TLL2: variants seen among roughly 807,000 people sequenced by gnomAD.
TLL2 encodes tolloid-like protein 2.
Under a neutral mutation model 123.0 loss-of-function variants are expected in TLL2, and 106 were observed. The observed-to-expected ratio is 0.86, with a 90% CI of 0.74 to 1.01. The LOEUF (loss-of-function observed/expected upper bound fraction) is 1.01. Ranked by LOEUF, TLL2 falls within the 50% of genes least tolerant of loss-of-function variation. The pLI is 0.00. For synonymous variants in TLL2, 494 were observed against 516.8 expected (o/e 0.96, Z 0.60); for missense variants, 1,332 against 1,336.7 (o/e 1.00, Z 0.06).
At chr10:96,470,979 G>A (rs1847175707) in intron 2 of TLL2, among the ~76,000 whole-genome samples, 1 of 152,134 alleles carries the variant, frequency 6.6e-6, no homozygotes, top group African/African-American at 2.4e-5. Flanking sequence ...CCCAGAGTGT[G>A]GCTCAGGACA....
chr10:96,394,583 G>A (rs980836487), intron 13 of TLL2, among the ~76,000 whole-genome samples: 4 of 152,210 alleles, frequency 2.6e-5, no homozygotes, highest in African/African-American at 9.7e-5. Context: ...CCGATCATGT[G>A]GGGGTAAGCA....
chr10:96,509,194 C>T (rs1206125597), intron 1 of TLL2, among the ~76,000 whole-genome samples: 1 of 152,170 alleles, frequency 6.6e-6, no homozygotes, highest in African/African-American at 2.4e-5. Context: ...GTTGAGTCAC[C>T]CCAGCCTGTA....
intron 3 of TLL2, among the ~76,000 whole-genome samples, chr10:96,444,470 A>T (rs1018500544): frequency 1.3e-5 from 2 of 152,392 alleles, no homozygotes; most frequent in South Asian, 4.1e-4. Context: ...AGCATGATGC[A>T]GAAAAAATGT....
chr10:96,480,197 T>C lies in TLL2; in HGVS notation c.286+152A>G. 1.1e-5 allele frequency: 7 copies of C among 647,456 alleles called. 1 individual carries two copies. In the South Asian group the frequency reaches 1.4e-4, roughly 13 times the overall value. 40.1% of individuals were successfully genotyped at this position (647,456 alleles called of 1,614,324 possible). On this transcript the variant is annotated intron_variant, in intron 2 of 20. Transcript: ENST00000357947. ...GAAGCCCCAGCTCCACTGGCTCCAG[T>C]GGAGAAGGAGAAGTGACCCCTCTGA...
chr10:96,401,411 C>T lies in TLL2; in HGVS notation c.1267+3821G>A, dbSNP rs542918358. Reference sequence around the variant, plus strand: ...CACTTGTTCCAAACACAAAAGTTCACTAACAACTGCATTTGGAAACATCAG... The same window carrying T: ...CACTTGTTCCAAACACAAAAGTTCATTAACAACTGCATTTGGAAACATCAG... On this transcript the variant is annotated intron_variant, in intron 10 of 20. Coordinates refer to ENST00000357947, the MANE Select transcript of TLL2 (RefSeq NM_012465.4). 5.0e-4 allele frequency among the ~76,000 whole-genome samples: 76 copies of T among 152,210 alleles called. 1 individual carries two copies. The highest frequency in any genetic ancestry group is 8.7e-4 in the Non-Finnish European group (59 of 68,004).
At chr10:96,461,280 A>G (rs563659525) in intron 2 of TLL2, among the ~76,000 whole-genome samples, 1 of 152,338 alleles carries the variant, frequency 6.6e-6, no homozygotes, top group South Asian at 2.1e-4. Flanking sequence ...ATACATAAGA[A>G]TTCACATACC....
At chr10:96,420,928 C>G in intron 7 of TLL2, 28 bp downstream of exon 7, 1 of 1,606,230 alleles carries the variant, frequency 6.2e-7, no homozygotes, top group Non-Finnish European at 8.5e-7. Context: ...CAGTAAAACA[C>G]AGACGAGGCA....
intron 18 of TLL2, among the ~76,000 whole-genome samples, 171 bp downstream of exon 18, chr10:96,376,521 C>G (rs544781457): frequency 3.9e-5 from 6 of 152,164 alleles, no homozygotes; most frequent in South Asian, 2.1e-4. Context: ...CACAACAGCC[C>G]GATGAAGTAG....
chr10:96,403,951 C>G (rs1353169376), intron 10 of TLL2, among the ~76,000 whole-genome samples: 1 of 147,550 alleles, frequency 6.8e-6, no homozygotes, highest in African/African-American at 2.5e-5. Flanking sequence ...ACGTGCACAT[C>G]CAGGCATAGT....
chr10:96,366,487 TTC>T lies in TLL2; in HGVS notation c.*1599_*1600del, dbSNP rs1413834932. 4 of 152,694 alleles carry T rather than the reference TTC, an allele frequency of 2.6e-5. No individual in the cohort carries two copies. Among genetic ancestry groups the T allele is most frequent in the African/African-American group, 9.6e-5 (4 of 41,470 alleles). The allele number at this position is 152,694 out of a possible 1,614,324, so 9.5% of individuals were successfully genotyped here. On this transcript the variant is annotated 3_prime_UTR_variant, in exon 21 of 21. Transcript: ENST00000357947. ...TATTATTAATAATACTTTAATTTTTTTCTGTTTTAAGGAAAAAATATTCCCAT... is the reference window on the plus strand; with the variant it reads ...TATTATTAATAATACTTTAATTTTTTTGTTTTAAGGAAAAAATATTCCCAT...
In TLL2 at chr10:96,451,107, C is replaced by T. The variant is rs897000461; in HGVS notation, c.287-4939G>A. Among the ~76,000 whole-genome samples the T allele has an allele frequency of 3.2e-4, 49 of 152,296 alleles. 1 individual carries two copies. The highest frequency in any genetic ancestry group is 3.4e-3 in the Middle Eastern group (1 of 294). On this transcript the variant is annotated intron_variant, in intron 2 of 20. Transcript: ENST00000357947. ...GTCAGCGGCCCGTGATGCATGGGCCCGGCTGAAATGTTTCTATCCAGCATT... is the reference window on the plus strand; with the variant it reads ...GTCAGCGGCCCGTGATGCATGGGCCTGGCTGAAATGTTTCTATCCAGCATT...
chr10:96,398,811 G>A (rs545271113), intron 10 of TLL2, among the ~76,000 whole-genome samples: 2 of 152,118 alleles, frequency 1.3e-5, no homozygotes, highest in East Asian at 3.9e-4. Context: ...GGGGCAATGG[G>A]GAATGGGAAG....
chr10:96,493,858 A>G (rs1369521409), intron 1 of TLL2, among the ~76,000 whole-genome samples: 3 of 152,214 alleles, frequency 2.0e-5, no homozygotes, highest in Non-Finnish European at 4.4e-5. Context: ...GGCCTAGAAG[A>G]AGGCAGGAAG....
In TLL2 at chr10:96,443,079, G is replaced by A. The variant is rs1056427352; in HGVS notation, c.364+3012C>T. On this transcript the variant is annotated intron_variant, in intron 3 of 20. Coordinates refer to ENST00000357947, the MANE Select transcript of TLL2 (RefSeq NM_012465.4). ...ATAGTTGGGTCATTTTACACCCAAC[G>A]AACTAGTAAATATCAAAAACTCTGA... Among the ~76,000 whole-genome samples, 14 of 152,154 alleles carry A rather than the reference G, an allele frequency of 9.2e-5. No homozygotes were observed. The East Asian group carries it at 9.6e-4, about 10-fold the overall frequency.
chr10:96,505,976 G>GA (rs1847573721), intron 1 of TLL2, among the ~76,000 whole-genome samples: 1 of 152,060 alleles, frequency 6.6e-6, no homozygotes, highest in Non-Finnish European at 1.5e-5. Context: ...AGCTGAGGCT[G>GA]GGCGCGGTGG....
At chr10:96,389,902 G>A (rs1400453837) in intron 13 of TLL2, among the ~76,000 whole-genome samples, 1 of 152,276 alleles carries the variant, frequency 6.6e-6, no homozygotes, top group Non-Finnish European at 1.5e-5. Flanking sequence ...TCTAGCAAGA[G>A]CCGTGAGATG....
intron 14 of TLL2, 110 bp downstream of exon 14, chr10:96,386,843 C>T: frequency 6.7e-7 from 1 of 1,495,340 alleles, no homozygotes; most frequent in Non-Finnish European, 9.2e-7. Flanking sequence ...CATGTCTGCC[C>T]ATTGCCCATC....
intron 2 of TLL2, among the ~76,000 whole-genome samples, chr10:96,450,650 G>A (rs1303543239): frequency 3.9e-5 from 6 of 152,148 alleles, no homozygotes; most frequent in Admixed American, 3.3e-4. Flanking sequence ...CATCGAAATC[G>A]ATGAAAAGCG....
At chr10:96,379,648 C>G (rs1846168635) in intron 16 of TLL2, among the ~76,000 whole-genome samples, 1 of 152,090 alleles carries the variant, frequency 6.6e-6, no homozygotes, top group African/African-American at 2.4e-5. Flanking sequence ...ATGGAGAAAC[C>G]CTGCCTCTAC....
Sources: gnomAD v4.1 joint callset for allele counts (sites outside exome capture counted in the v4.1 genomes callset) on GRCh38, gnomAD v4.1.1 for gene constraint, MANE v1.5 for transcripts, NCBI Gene and HGNC (gene_info 2026-07-23, HGNC 2026-07-21) for gene names.